Variants in PGLYRP3 observed in about 807,000 individuals in gnomAD.
PGLYRP3 encodes peptidoglycan recognition protein I alpha.
PGLYRP3 carries 39 observed loss-of-function variants against 36.0 expected under a neutral mutation model. The ratio of observed to expected loss-of-function variants is 1.08; its 90% confidence interval spans 0.84 to 1.41. PGLYRP3 has a LOEUF of 1.41. Among genes scored for constraint, PGLYRP3 ranks in the 40% most tolerant of loss-of-function variants. The probability of loss-of-function intolerance (pLI) is 0.00; values close to 1 mark genes in which losing one functional copy is unlikely to be tolerated. For synonymous variants in PGLYRP3, 204 were observed against 172.8 expected (o/e 1.18, Z -1.42); for missense variants, 407 against 427.9 (o/e 0.95, Z 0.43).
In PGLYRP3 at chr1:153,302,540, G is replaced by C. The variant is rs1007496204; in HGVS notation, c.597C>G (p.Leu199=). 7 of 1,614,112 alleles carry C rather than the reference G, an allele frequency of 4.3e-6. No individual in the cohort carries two copies. In the African/African-American group the frequency reaches 9.3e-5, roughly 22 times the overall value. ...GGATGATGATGACATATTTGGCTGG[G>C]AGGTTCATTTTAGGGCAGTGTGTCT... The part of the protein sequence containing the change: ...ARETHCPKMN[L]PAKYVIIIHT... Residue 199 remains leucine (L), a synonymous_variant, in exon 6 of 8, where the codon CTC becomes CTG. Coordinates refer to ENST00000683862, the MANE Select transcript of PGLYRP3 (RefSeq NM_052891.3).
intron 6 of PGLYRP3, among the ~76,000 whole-genome samples, chr1:153,299,534 T>C (rs1659534120): frequency 6.6e-6 from 1 of 152,154 alleles, no homozygotes; most frequent in African/African-American, 2.4e-5. Context: ...CTGACCCTGT[T>C]GACCACTCTC....
intron 2 of PGLYRP3, among the ~76,000 whole-genome samples, chr1:153,310,112 G>A (rs1258032957): frequency 6.6e-6 from 1 of 152,144 alleles, no homozygotes; most frequent in Non-Finnish European, 1.5e-5. Context: ...ATTGCTATGT[G>A]TCTACTCTTA....
chr1:153,301,850 C>A (rs144444181), intron 6 of PGLYRP3, among the ~76,000 whole-genome samples: 97 of 152,316 alleles, frequency 6.4e-4, no homozygotes, highest in Non-Finnish European at 1.2e-3. Flanking sequence ...TTATTACAGA[C>A]CTGGCATTAA....
chr1:153,311,962 G>T (rs963638468), intron 1 of PGLYRP3, among the ~76,000 whole-genome samples: 7 of 152,188 alleles, frequency 4.6e-5, no homozygotes, highest in African/African-American at 1.2e-4. Flanking sequence ...AAAATGTTCA[G>T]CCTCCCTCGT....
chr1:153,306,918 GA>G (rs1659751410), intron 3 of PGLYRP3, 147 bp downstream of exon 3: 1 of 784,756 alleles, frequency 1.3e-6, no homozygotes, highest in Non-Finnish European at 2.0e-6. Flanking sequence ...GAAGGATTCG[GA>G]TTTTGTTTGA....
chr1:153,308,080 C>CA (rs1165061877), intron 2 of PGLYRP3, among the ~76,000 whole-genome samples: 32 of 151,864 alleles, frequency 2.1e-4, no homozygotes, highest in African/African-American at 2.4e-5. Context: ...CTGCAGCCTC[C>CA]ACCTCCCGGA....
At chr1:153,307,407 C>A in intron 2 of PGLYRP3, 140 bp from the exon 3 acceptor site, 1 of 744,878 alleles carries the variant, frequency 1.3e-6, no homozygotes. Context: ...CCTTCACCAC[C>A]AAAGCCCCCT....
At chr1:153,312,170 G>A (rs1387430176) in intron 1 of PGLYRP3, among the ~76,000 whole-genome samples, 1 of 152,128 alleles carries the variant, frequency 6.6e-6, no homozygotes, top group Non-Finnish European at 1.5e-5. Context: ...AAAATATCAA[G>A]GCTTCAGCCC....
rs1333214777 is a variant in PGLYRP3, at chr1:153,302,531, T to C, written c.606A>G (p.Lys202=). 3.1e-6 allele frequency: 5 copies of C among 1,614,108 alleles called. No individual in the cohort carries two copies. The highest frequency in any genetic ancestry group is 4.2e-6 in the Non-Finnish European group (5 of 1,180,040). ...CAGCGGTGTGGATGATGATGACATA[T>C]TTGGCTGGGAGGTTCATTTTAGGGC... is the stretch of plus-strand genomic sequence containing the variant. ...THCPKMNLPA[K]YVIIIHTAGT... is the part of the protein sequence containing the mutation. Residue 202 remains lysine (K), a synonymous_variant, in exon 6 of 8, where the codon AAA becomes AAG. Transcript: ENST00000683862.
Position 153,303,728 on chromosome 1 carries a change from A to C in PGLYRP3, c.529+129T>G, listed in dbSNP as rs954731985. 4 of 1,116,202 alleles carry C rather than the reference A, an allele frequency of 3.6e-6. No homozygotes were observed. In the Admixed American group the frequency reaches 6.9e-5, roughly 19 times the overall value. 69.1% of individuals were successfully genotyped at this position (1,116,202 alleles called of 1,614,324 possible). On this transcript the variant is annotated intron_variant, in intron 5 of 7. Coordinates refer to ENST00000683862, the MANE Select transcript of PGLYRP3 (RefSeq NM_052891.3). ...CCCTCTCAGAATTTTCCAGATCTCA[A>C]AGTAGGCATGAGATGTTCTTAGTCC...
chr1:153,300,919 G>A (rs770234012), intron 6 of PGLYRP3, among the ~76,000 whole-genome samples: 16 of 152,076 alleles, frequency 1.1e-4, no homozygotes, highest in Admixed American at 4.6e-4. Flanking sequence ...TCTTGCTTTT[G>A]TTTTTGTCTT....
intron 6 of PGLYRP3, among the ~76,000 whole-genome samples, chr1:153,299,533 T>C (rs1659533952): frequency 6.6e-6 from 1 of 152,184 alleles, no homozygotes; most frequent in African/African-American, 2.4e-5. Context: ...ACTGACCCTG[T>C]TGACCACTCT....
At chr1:153,305,201 G>T in intron 3 of PGLYRP3, 136 bp from the exon 4 acceptor site, 1 of 613,744 alleles carries the variant, frequency 1.6e-6, no homozygotes, top group East Asian at 3.0e-5. Context: ...AGGAGGTGCA[G>T]AATAACCAGT....
chr1:153,301,848 G>GGT (rs1457569831), intron 6 of PGLYRP3, among the ~76,000 whole-genome samples: 4 of 152,202 alleles, frequency 2.6e-5, no homozygotes, highest in Non-Finnish European at 5.9e-5. Flanking sequence ...CTTTATTACA[G>GGT]ACCTGGCATT....
chr1:153,302,393 C>G lies in PGLYRP3; in HGVS notation c.728+16G>C. On this transcript the variant is annotated intron_variant, in intron 6 of 7. Transcript: ENST00000683862. ...CTGAAGAAAAAGAGGGTTCTTTTGG[C>G]ATTGATCCCACTTACTGATATCCAA... 6.2e-7 allele frequency: 1 copy of G among 1,612,834 alleles called. No individual in the cohort carries two copies. The highest frequency in any genetic ancestry group is 8.5e-7 in the Non-Finnish European group (1 of 1,178,886).
intron 5 of PGLYRP3, 70 bp from the exon 6 acceptor site, chr1:153,302,677 A>G (rs1659629089): frequency 1.4e-6 from 2 of 1,462,668 alleles, no homozygotes; most frequent in Non-Finnish European, 1.9e-6. Flanking sequence ...ACTCAACTCC[A>G]GGCTGGATTA....
chr1:153,312,327 T>C (rs1659913845), intron 1 of PGLYRP3, among the ~76,000 whole-genome samples: 1 of 152,138 alleles, frequency 6.6e-6, no homozygotes, highest in African/African-American at 2.4e-5. Flanking sequence ...AAAGAAACAT[T>C]AGACCAGGAG....
chr1:153,300,579 C>G (rs193066570), intron 6 of PGLYRP3, among the ~76,000 whole-genome samples: 1 of 152,156 alleles, frequency 6.6e-6, no homozygotes, highest in Non-Finnish European at 1.5e-5. Context: ...CACAAAGACT[C>G]TCTGAAGGAC....
rs1659485946 is a variant in PGLYRP3 at position 153,298,065 on chromosome 1, T to C, written c.917A>G (p.Tyr306Cys). 4 of 1,614,004 alleles carry C rather than the reference T, an allele frequency of 2.5e-6. No individual in the cohort carries two copies. Among genetic ancestry groups the C allele is most frequent in the Non-Finnish European group, 3.4e-6 (4 of 1,179,994 alleles). ...CATCAGCAGGTAGTTTGGAGTCAGG[T>C]ACCCCTCAACCACGGCACACTGGAT... ...DLIQCAVVEG[Y>C]LTPNYLLMGH... is the part of the protein sequence containing the mutation. The change falls in exon 8 of 8, where the codon TAC becomes TGC. Residue 306 changes from tyrosine (Y) to cysteine (C), a missense_variant. Tyr to Cys is a radical substitution (Grantham distance 194, BLOSUM62 -2). Coordinates refer to ENST00000683862, the MANE Select transcript of PGLYRP3 (RefSeq NM_052891.3).
Sources: allele counts gnomAD v4.1 joint callset (sites outside exome capture counted in the v4.1 genomes callset), GRCh38; gene constraint gnomAD v4.1.1; transcripts MANE v1.5; gene names NCBI Gene and HGNC (gene_info 2026-07-23, HGNC 2026-07-21).